The following STK3 variants were observed in gnomAD, a reference collection of about 807,000 sequenced individuals.
The protein encoded by STK3 is serine/threonine-protein kinase 3.
In STK3, 41 loss-of-function variants were observed where a neutral mutation model predicts 58.0. That is an observed-to-expected ratio of 0.71 (90% CI 0.55 to 0.92). STK3 has a LOEUF of 0.92. Ranked by LOEUF, STK3 falls within the 40% of genes least tolerant of loss-of-function variation. The pLI, the probability that STK3 is intolerant of heterozygous loss-of-function variation, is 0.00. For synonymous variants in STK3, 170 were observed against 191.0 expected, an observed-to-expected ratio of 0.89 and a Z score of 0.91; for missense variants, 479 against 602.7, an observed-to-expected ratio of 0.79 and a Z score of 2.15.
chr8:98,410,453 C>T (rs934211214), intron 3 of STK3, among the ~76,000 whole-genome samples: 6 of 152,030 alleles, frequency 3.9e-5, no homozygotes, highest in African/African-American at 1.5e-4. Flanking sequence ...CACGGTAAGA[C>T]CTTAACGAAT....
chr8:98,671,572 GGTTTTTTTTTGTTTTTT>G (rs1317315276), intron 6 of STK3, among the ~76,000 whole-genome samples: 1 of 151,524 alleles, frequency 6.6e-6, no homozygotes, highest in East Asian at 1.9e-4. Context: ...TTTAGTTTGG[GGTTTTTTTTTGTTTTTT>G]GTTTTTTTGG....
At chr8:98,468,119 T>A (rs1251485996) in intron 10 of STK3, among the ~76,000 whole-genome samples, 1 of 152,204 alleles carries the variant, frequency 6.6e-6, no homozygotes, top group Non-Finnish European at 1.5e-5. Context: ...AATCCACAGT[T>A]CATTTAAAAC....
At chr8:98,569,899 C>CA (rs994594741) in intron 8 of STK3, among the ~76,000 whole-genome samples, 1,372 of 131,048 alleles carry the variant, frequency 0.01, 11 homozygotes, top group African/African-American at 0.033. Flanking sequence ...TGGTTTTCCT[C>CA]AAAAAAAAAA....
At chr8:98,827,736 C>T (rs1835368995), upstream of STK3, among the ~76,000 whole-genome samples, 2 of 151,968 alleles carry the variant, frequency 1.3e-5, no homozygotes, top group Non-Finnish European at 2.9e-5. Flanking sequence ...CTCACTGCAG[C>T]CTCAACCTCC....
intron 8 of STK3, among the ~76,000 whole-genome samples, chr8:98,560,479 T>A (rs1432274378): frequency 2.6e-5 from 4 of 152,030 alleles, no homozygotes; most frequent in Non-Finnish European, 5.9e-5. Flanking sequence ...CCCACTTAGG[T>A]CTAACATATT....
intron 3 of STK3, among the ~76,000 whole-genome samples, chr8:98,394,447 A>G (rs1451497523): frequency 6.6e-6 from 1 of 152,152 alleles, no homozygotes; most frequent in Non-Finnish European, 1.5e-5. Flanking sequence ...TTTGGAGGCC[A>G]AGGCAGGAGG....
chr8:98,590,586 C>G (rs977039576), intron 7 of STK3, among the ~76,000 whole-genome samples: 7 of 152,204 alleles, frequency 4.6e-5, no homozygotes, highest in Non-Finnish European at 8.8e-5. Context: ...ATTGATCTCC[C>G]AAGGGAGGCC....
chr8:98,474,281 T>C (rs945470839), intron 10 of STK3, among the ~76,000 whole-genome samples: 2 of 152,162 alleles, frequency 1.3e-5, no homozygotes, highest in Non-Finnish European at 2.9e-5. Context: ...TCACTCTCCA[T>C]ACAGCAGCCA....
intron 9 of STK3, among the ~76,000 whole-genome samples, chr8:98,534,935 AG>A (rs1287876838): frequency 3.3e-5 from 5 of 152,186 alleles, no homozygotes; most frequent in Admixed American, 6.6e-5. Flanking sequence ...AATCCCTTAA[AG>A]AAATTCTTTG....
At chr8:98,562,884 G>A (rs1156585921) in intron 8 of STK3, among the ~76,000 whole-genome samples, 1 of 151,476 alleles carries the variant, frequency 6.6e-6, no homozygotes, top group Non-Finnish European at 1.5e-5. Flanking sequence ...ACTGTAGCTT[G>A]GGTGAAAGAG....
At chr8:98,729,155 T>C (rs1827998438) in intron 4 of STK3, among the ~76,000 whole-genome samples, 3 of 152,126 alleles carry the variant, frequency 2.0e-5, no homozygotes, top group Admixed American at 6.5e-5. Context: ...CTGTCACCCA[T>C]GCTGGAGTGC....
chr8:98,509,810 A>G (rs569187358), intron 10 of STK3, among the ~76,000 whole-genome samples: 126 of 152,114 alleles, frequency 8.3e-4, no homozygotes, highest in Non-Finnish European at 9.7e-4. Flanking sequence ...TAAAAATTCT[A>G]TTTTTCTACT....
At chr8:98,906,508 A>G (rs1838908922) in intron 1 of STK3, 1 of 152,270 alleles carries the variant, frequency 6.6e-6, no homozygotes, top group South Asian at 2.1e-4. Context: ...AGAGGAGGGC[A>G]GTCAGGAACT....
chr8:98,763,955 G>A (rs1213922913), intron 3 of STK3, among the ~76,000 whole-genome samples: 2 of 152,128 alleles, frequency 1.3e-5, no homozygotes, highest in Non-Finnish European at 1.5e-5. Flanking sequence ...GATTACAGGC[G>A]TGAGCCACCA....
At chr8:98,661,365 C>G (rs1821954541) in intron 6 of STK3, among the ~76,000 whole-genome samples, 1 of 152,054 alleles carries the variant, frequency 6.6e-6, no homozygotes, top group Non-Finnish European at 1.5e-5. Flanking sequence ...TTTTAAAATA[C>G]TAACCACATC....
intron 3 of STK3, among the ~76,000 whole-genome samples, chr8:98,849,989 C>T (rs964100907): frequency 1.3e-5 from 2 of 152,096 alleles, no homozygotes; most frequent in African/African-American, 4.8e-5. Flanking sequence ...ATCTATTATT[C>T]AATCTCATAA....
intron 2 of STK3, among the ~76,000 whole-genome samples, chr8:98,772,024 CTTTG>C (rs1157452250): frequency 1.3e-5 from 2 of 151,760 alleles, no homozygotes; most frequent in Admixed American, 6.6e-5. Context: ...TTTTGCCTTT[CTTTG>C]TTAGTCTAAT....
intron 2 of STK3, among the ~76,000 whole-genome samples, chr8:98,372,409 C>T (rs763467624): frequency 6.6e-6 from 1 of 152,180 alleles, no homozygotes; most frequent in Non-Finnish European, 1.5e-5. Flanking sequence ...GCCAGGACGC[C>T]ACAGCTCCCC....
chr8:98,579,895 T>C, intron 7 of STK3, 106 bp from the exon 8 acceptor site: 6 of 1,045,844 alleles, frequency 5.7e-6, no homozygotes, highest in Non-Finnish European at 7.8e-6. Flanking sequence ...CAGGCTTCAA[T>C]GATTGTTTTT....
Sources: gnomAD v4.1 joint callset for allele counts (sites outside exome capture counted in the v4.1 genomes callset) on GRCh38, gnomAD v4.1.1 for gene constraint, MANE v1.5 for transcripts, NCBI Gene and HGNC (gene_info 2026-07-23, HGNC 2026-07-21) for gene names.